Variants in CHST3 observed in about 807,000 individuals in gnomAD.
The protein encoded by CHST3 is C6ST-1.
CHST3 carries 20 observed loss-of-function variants against 35.4 expected under a neutral mutation model. That is an observed-to-expected ratio of 0.57 (90% CI 0.40 to 0.82). The LOEUF is 0.82. CHST3 is among the 40% of genes least tolerant of loss of function. The pLI is 0.00. For synonymous variants in CHST3, 334 were observed against 295.9 expected (o/e 1.13, Z -1.32); for missense variants, 693 against 670.1 (o/e 1.03, Z -0.38).
intron 1 of CHST3, among the ~76,000 whole-genome samples, chr10:72,003,927 G>C (rs1840015280): frequency 6.6e-6 from 1 of 152,136 alleles, no homozygotes; most frequent in South Asian, 2.1e-4. Flanking sequence ...TGTAATCCCA[G>C]TACTTTGGGA....
Position 72,007,496 on chromosome 10 carries a change from G to A in CHST3, c.465G>A (p.Gln155=). 6.2e-7 allele frequency: 1 copy of A among 1,602,454 alleles called. No individual in the cohort carries two copies. The highest frequency in any genetic ancestry group is 1.1e-5 in the South Asian group (1 of 91,066). The change falls in exon 3 of 3, where the codon CAG becomes CAA. Residue 155 remains glutamine (Q), a synonymous_variant. Coordinates refer to ENST00000373115, the MANE Select transcript of CHST3 (RefSeq NM_004273.5). ...TCGTGGGCGAGTTCTTCAACCAGCA[G>A]GGCAACATCTTCTACCTCTTCGAGC... The part of the protein sequence containing the change: ...SSFVGEFFNQ[Q]GNIFYLFEPL...
intron 1 of CHST3, among the ~76,000 whole-genome samples, chr10:71,972,765 C>G (rs978058401): frequency 6.6e-6 from 1 of 152,252 alleles, no homozygotes; most frequent in Non-Finnish European, 1.5e-5. Context: ...CACACACACC[C>G]TGCTCTCTGT....
chr10:71,995,898 C>T (rs1839934243), intron 1 of CHST3, among the ~76,000 whole-genome samples: 3 of 152,124 alleles, frequency 2.0e-5, no homozygotes, highest in Non-Finnish European at 4.4e-5. Context: ...CAGAGACACA[C>T]AGAGAGCTCA....
At chr10:71,983,599 T>C (rs1366638774) in intron 1 of CHST3, among the ~76,000 whole-genome samples, 1 of 152,046 alleles carries the variant, frequency 6.6e-6, no homozygotes, top group Non-Finnish European at 1.5e-5. Context: ...TATAAGCACA[T>C]GCCACGATGC....
chr10:71,982,588 T>C (rs1470131827), intron 1 of CHST3, among the ~76,000 whole-genome samples: 1 of 151,964 alleles, frequency 6.6e-6, no homozygotes, highest in Non-Finnish European at 1.5e-5. Flanking sequence ...CCCCTGTCTC[T>C]ACAAAAATAA....
At chr10:71,995,734 A>G (rs903268930) in intron 1 of CHST3, among the ~76,000 whole-genome samples, 8 of 152,220 alleles carry the variant, frequency 5.3e-5, no homozygotes, top group African/African-American at 1.9e-4. Context: ...ACAGACATTT[A>G]TCGATTAAAT....
chr10:72,002,413 C>T (rs1234835533), intron 1 of CHST3, among the ~76,000 whole-genome samples: 2 of 152,186 alleles, frequency 1.3e-5, no homozygotes, highest in Non-Finnish European at 2.9e-5. Flanking sequence ...GTAGCCAGGG[C>T]AGCTCCCCGA....
chr10:71,986,600 A>G (rs1235443691), intron 1 of CHST3, among the ~76,000 whole-genome samples: 1 of 152,242 alleles, frequency 6.6e-6, no homozygotes, highest in Admixed American at 6.5e-5. Context: ...GGCCATGGCC[A>G]TGTCCAGGTG....
In CHST3 at chr10:72,008,820, A is replaced by C; in HGVS notation, c.*349A>C. ...CAGAGTCCAAATATTTAACAATCAGAAGGGGCAAGGCTCTGACCAGTGACA... is the reference window on the plus strand; with the variant it reads ...CAGAGTCCAAATATTTAACAATCAGCAGGGGCAAGGCTCTGACCAGTGACA... On this transcript the variant is annotated 3_prime_UTR_variant, in exon 3 of 3. Transcript: ENST00000373115. 1.0e-5 allele frequency: 2 copies of C among 198,434 alleles called. No individual in the cohort carries two copies. Among genetic ancestry groups the C allele is most frequent in the Non-Finnish European group, 1.0e-5 (1 of 97,884 alleles). 12.3% of individuals were successfully genotyped at this position (198,434 alleles called of 1,614,324 possible).
At chr10:71,982,659 G>A (rs1453041718) in intron 1 of CHST3, among the ~76,000 whole-genome samples, 1 of 152,130 alleles carries the variant, frequency 6.6e-6, no homozygotes, top group Non-Finnish European at 1.5e-5. Flanking sequence ...TGAGGTGGGA[G>A]AATCTCTTGA....
intron 1 of CHST3, among the ~76,000 whole-genome samples, chr10:71,967,328 T>TCTC (rs1168683489): frequency 1.3e-5 from 2 of 152,106 alleles, no homozygotes; most frequent in Non-Finnish European, 2.9e-5. Flanking sequence ...CTCCCCACTG[T>TCTC]CTCCACCCTC....
At chr10:71,979,333 G>A (rs903854389) in intron 1 of CHST3, among the ~76,000 whole-genome samples, 6 of 152,192 alleles carry the variant, frequency 3.9e-5, no homozygotes, top group African/African-American at 1.2e-4. Context: ...AGAATTGGAG[G>A]TGTAAAAGGG....
intron 1 of CHST3, among the ~76,000 whole-genome samples, chr10:71,984,108 C>T (rs376295314): frequency 1.4e-4 from 22 of 152,298 alleles, no homozygotes; most frequent in African/African-American, 4.3e-4. Context: ...CTACAGCCTC[C>T]GCCTCCCAGG....
intron 1 of CHST3, among the ~76,000 whole-genome samples, chr10:71,968,020 G>A (rs1839649443): frequency 7.1e-6 from 1 of 141,276 alleles, no homozygotes; most frequent in South Asian, 2.3e-4. Context: ...GTTTCACCAT[G>A]TTGGCCAGAA....
At chr10:71,988,797 C>T (rs1056112681) in intron 1 of CHST3, among the ~76,000 whole-genome samples, 1 of 152,206 alleles carries the variant, frequency 6.6e-6, no homozygotes, top group African/African-American at 2.4e-5. Context: ...CAAGCCTGAT[C>T]TCAGGATTCT....
In CHST3 at chr10:72,007,782, C is replaced by A. The variant is rs1252429142; in HGVS notation, c.751C>A (p.Arg251Ser). The change falls in exon 3 of 3, where the codon CGC (arginine) becomes AGC (serine). Residue 251 changes from arginine to serine, a missense_variant. Physicochemically the swap from Arg to Ser is moderately radical, Grantham distance 110. Coordinates refer to ENST00000373115, the MANE Select transcript of CHST3 (RefSeq NM_004273.5). ...CGAGAAGTACCACTGCAAGAACCGC[C>A]GCTGCGGCCCCCTCAACGTGACGCT... ...VFEKYHCKNRRCGPLNVTLAA... is the reference protein window; with the variant it reads ...VFEKYHCKNRSCGPLNVTLAA... 12 of 1,601,148 alleles carry A rather than the reference C, an allele frequency of 7.5e-6. No homozygotes were observed. The highest frequency in any genetic ancestry group is 1.0e-5 in the Non-Finnish European group (12 of 1,179,672).
chr10:72,007,564 G>T lies in CHST3; in HGVS notation c.533G>T (p.Gly178Val). 6.2e-7 allele frequency: 1 copy of T among 1,607,358 alleles called. No homozygotes were observed. The highest frequency in any genetic ancestry group is 2.2e-5 in the East Asian group (1 of 44,874). ...CGCACAGTGTCCTTCGAGCCGGGGG[G>T]CGCCAACGCCGCGGGCTCGGCCCTG... ...IERTVSFEPG[G>V]ANAAGSALVY... The change falls in exon 3 of 3, where the codon GGC becomes GTC. Residue 178 changes from glycine (G) to valine (V), a missense_variant. By Grantham distance (109) the Gly-to-Val change is moderately radical (BLOSUM62 -3). Transcript: ENST00000373115.
chr10:71,995,670 C>T (rs185450374), intron 1 of CHST3, among the ~76,000 whole-genome samples: 1 of 152,090 alleles, frequency 6.6e-6, no homozygotes, highest in African/African-American at 2.4e-5. Context: ...CAAGGAGAGG[C>T]CTGGAGAGAG....
intron 1 of CHST3, among the ~76,000 whole-genome samples, chr10:71,988,613 AGCACCAT>A (rs1240099818): frequency 6.6e-6 from 1 of 152,234 alleles, no homozygotes; most frequent in Non-Finnish European, 1.5e-5. Flanking sequence ...AGCAGATGCC[AGCACCAT>A]GCTTCTTGTA....
Sources: gnomAD v4.1 joint callset for allele counts (sites outside exome capture counted in the v4.1 genomes callset) on GRCh38, gnomAD v4.1.1 for gene constraint, MANE v1.5 for transcripts, NCBI Gene and HGNC (gene_info 2026-07-23, HGNC 2026-07-21) for gene names.